Variants in CACNA1C observed in about 807,000 individuals in gnomAD.
CACNA1C encodes calcium voltage-gated channel subunit alpha1 C, also known as voltage-dependent L-type calcium channel subunit alpha-1C.
Under a neutral mutation model 229.0 loss-of-function variants are expected in CACNA1C, and 30 were observed. The ratio of observed to expected loss-of-function variants is 0.13; its 90% CI spans 0.10 to 0.18. The LOEUF (loss-of-function observed/expected upper bound fraction) is 0.18, where lower values mean the gene tolerates loss of function less well. Among genes scored for constraint, CACNA1C ranks in the 10% least tolerant of loss-of-function variants. The probability of loss-of-function intolerance (pLI) is 1.00; values close to 1 mark genes in which losing one functional copy is unlikely to be tolerated. For synonymous variants in CACNA1C, 1,114 were observed against 1,132.5 expected (o/e 0.98, Z 0.33); for missense variants, 1,658 against 2,845.0 (o/e 0.58, Z 9.49).
intron 7 of CACNA1C, among the ~76,000 whole-genome samples, chr12:2,501,606 G>T (rs1473948140): frequency 2.0e-5 from 3 of 152,386 alleles, no homozygotes; most frequent in African/African-American, 7.2e-5. Flanking sequence ...ACGGCTGTCA[G>T]TGTGGCCTGT....
intron 3 of CACNA1C, among the ~76,000 whole-genome samples, chr12:2,158,115 C>T (rs568417764): frequency 6.6e-6 from 1 of 152,226 alleles, no homozygotes; most frequent in East Asian, 1.9e-4. Flanking sequence ...ACTACAAAAA[C>T]AGAGGGGAGG....
At chr12:2,506,685 C>T (rs1013069218) in intron 8 of CACNA1C, among the ~76,000 whole-genome samples, 14 of 152,166 alleles carry the variant, frequency 9.2e-5, no homozygotes, top group South Asian at 2.1e-4. Context: ...ATTTGTACAA[C>T]GTCACTTCCC....
chr12:2,035,997 A>G (rs1450793508), intron 1 of CACNA1C, among the ~76,000 whole-genome samples: 1 of 152,120 alleles, frequency 6.6e-6, no homozygotes, highest in African/African-American at 2.4e-5. Context: ...CGGTCTTGTG[A>G]ATAAGTTATC....
chr12:1,983,804 A>G (rs1295911862), intron 1 of CACNA1C, among the ~76,000 whole-genome samples: 1 of 151,994 alleles, frequency 6.6e-6, no homozygotes, highest in African/African-American at 2.4e-5. Context: ...TATTGATTGT[A>G]GAAAGTGGAG....
At chr12:2,622,260 G>A (rs771451263) in intron 29 of CACNA1C, among the ~76,000 whole-genome samples, 2 of 152,138 alleles carry the variant, frequency 1.3e-5, no homozygotes, top group African/African-American at 2.4e-5. Flanking sequence ...GAAAAGGGCC[G>A]GACAGAGGCC....
chr12:2,191,414 G>A (rs941232335), intron 3 of CACNA1C, among the ~76,000 whole-genome samples: 1 of 152,072 alleles, frequency 6.6e-6, no homozygotes, highest in African/African-American at 2.4e-5. Flanking sequence ...CTGCAGTCAC[G>A]CTGGCTCCAG....
At chr12:2,167,183 T>C (rs2096274681) in intron 3 of CACNA1C, among the ~76,000 whole-genome samples, 1 of 152,216 alleles carries the variant, frequency 6.6e-6, no homozygotes, top group Admixed American at 6.5e-5. Context: ...TAGACAATTA[T>C]ATAACAAGTT....
chr12:2,115,144 G>T, intron 1 of CACNA1C, 80 bp from the exon 2 acceptor site: 1 of 1,145,004 alleles, frequency 8.7e-7, no homozygotes, highest in South Asian at 1.6e-5. Flanking sequence ...AAAAAATTGT[G>T]AATCTGGGGT....
At chr12:2,564,919 C>G (rs2049511823) in intron 11 of CACNA1C, among the ~76,000 whole-genome samples, 1 of 152,132 alleles carries the variant, frequency 6.6e-6, no homozygotes, top group Admixed American at 6.5e-5. Flanking sequence ...TTCCCCCTCC[C>G]CAAGCCCTCA....
chr12:2,543,144 G>T (rs981281761), intron 9 of CACNA1C, among the ~76,000 whole-genome samples: 1 of 152,210 alleles, frequency 6.6e-6, no homozygotes, highest in Non-Finnish European at 1.5e-5. Context: ...ATAGCACCTG[G>T]TAAGAGGGAG....
chr12:2,574,722 T>C (rs2057747055), intron 13 of CACNA1C, among the ~76,000 whole-genome samples: 1 of 152,222 alleles, frequency 6.6e-6, no homozygotes, highest in Non-Finnish European at 1.5e-5. Flanking sequence ...AGCTCTTCCA[T>C]CACCTTCTAG....
chr12:2,541,995 C>G (rs924126994), intron 9 of CACNA1C, among the ~76,000 whole-genome samples: 1 of 152,096 alleles, frequency 6.6e-6, no homozygotes, highest in African/African-American at 2.4e-5. Context: ...ATGGTTCTCC[C>G]CATCCTCCTG....
intron 3 of CACNA1C, among the ~76,000 whole-genome samples, chr12:2,269,153 G>A (rs2083680080): frequency 6.6e-6 from 1 of 152,210 alleles, no homozygotes; most frequent in South Asian, 2.1e-4. Flanking sequence ...TCTACTCAGG[G>A]AAGGGTGAGC....
In CACNA1C at chr12:2,348,626, T is replaced by G. The variant is rs2154525374; in HGVS notation, c.478-100350T>G. Among the ~76,000 whole-genome samples, 1 of 152,286 alleles carries G rather than the reference T, an allele frequency of 6.6e-6. No individual in the cohort carries two copies. Among genetic ancestry groups the G allele is most frequent in the South Asian group, 2.1e-4 (1 of 4,830 alleles). ...GTTTAGAAGCCGTCCAGAGAATGTT[T>G]GGCATGCTGAATATAAACTCATGCT... On this transcript the variant is annotated intron_variant, in intron 3 of 46. Transcript: ENST00000399655. This position sits in a 1 kb window ranked among gnomAD's most constrained non-coding sequence, Gnocchi z 4.7.
chr12:2,608,652 C>A lies in CACNA1C; in HGVS notation c.3498C>A (p.Ile1166=), dbSNP rs201147949. ...TGAACATCTTCGTGGGCTTCGTCAT[C>A]GTCACCTTTCAGGAGCAGGGGGAGC... ...FMMNIFVGFV[I]VTFQEQGEQE... is the part of the protein sequence containing the mutation. Residue 1166 remains isoleucine, a synonymous_variant, in exon 27 of 47, where the codon ATC becomes ATA. Coordinates refer to ENST00000399655, the MANE Select transcript of CACNA1C (RefSeq NM_000719.7). The surrounding 1 kb of genome is among the most constrained non-coding windows in gnomAD (Gnocchi z 4.2). 6.2e-7 allele frequency: 1 copy of A among 1,614,150 alleles called. No homozygotes were observed. The highest frequency in any genetic ancestry group is 8.5e-7 in the Non-Finnish European group (1 of 1,179,980).
chr12:2,137,029 AG>A (rs1461689271), intron 3 of CACNA1C, among the ~76,000 whole-genome samples: 1 of 151,432 alleles, frequency 6.6e-6, no homozygotes, highest in African/African-American at 2.4e-5. Flanking sequence ...GGTGGTTGGC[AG>A]GGCTCAGAGC....
At chr12:2,135,358 G>A (rs1215323901) in intron 3 of CACNA1C, among the ~76,000 whole-genome samples, 3 of 146,386 alleles carry the variant, frequency 2.0e-5, no homozygotes, top group Admixed American at 6.8e-5. Flanking sequence ...GAGGAGCTGC[G>A]TTCCTTTGGA....
chr12:2,441,662 A>G (rs1009697128), intron 3 of CACNA1C, among the ~76,000 whole-genome samples: 10 of 152,218 alleles, frequency 6.6e-5, no homozygotes, highest in African/African-American at 2.4e-4. Flanking sequence ...GTGGTATTCA[A>G]AGTTCCAAGA....
rs2080290509 is a variant in CACNA1C, at chr12:2,108,747, A to G, written c.50-6477A>G. On this transcript the variant is annotated intron_variant, in intron 1 of 46. Coordinates refer to ENST00000399655, the MANE Select transcript of CACNA1C (RefSeq NM_000719.7). The surrounding 1 kb of genome is among the most constrained non-coding windows in gnomAD (Gnocchi z 5.3). ...TCGGGTTATCGTCTGAGATCGAGAG[A>G]CGGTGTCCTCTCTGTTCACGTCCTC... Among the ~76,000 whole-genome samples, 1 of 152,172 alleles carries G rather than the reference A, an allele frequency of 6.6e-6. No individual in the cohort carries two copies. Among genetic ancestry groups the G allele is most frequent in the Admixed American group, 6.5e-5 (1 of 15,286 alleles).
Sources: allele counts gnomAD v4.1 joint callset (sites outside exome capture counted in the v4.1 genomes callset), GRCh38; gene constraint gnomAD v4.1.1; non-coding constraint Gnocchi (gnomAD v3.1); transcripts MANE v1.5; gene names NCBI Gene and HGNC (gene_info 2026-07-23, HGNC 2026-07-21).